The following LSM8 variants were observed in gnomAD, a reference collection of about 807,000 sequenced individuals.
The protein encoded by LSM8 is LSM8 homolog, U6 small nuclear RNA associated, also known as LSM8 U6 small nuclear RNA associated.
Under a neutral mutation model 15.0 loss-of-function variants are expected in LSM8, and 14 were observed. That is an observed-to-expected ratio of 0.93 (90% CI 0.62 to 1.46). The LOEUF is 1.46. Among genes scored for constraint, LSM8 ranks in the 40% most tolerant of loss-of-function variants. The probability of loss-of-function intolerance (pLI) is 0.00; values close to 1 mark genes in which losing one functional copy is unlikely to be tolerated. For synonymous variants in LSM8, 50 were observed against 42.1 expected (o/e 1.19, Z -0.73); for missense variants, 90 against 115.4 (o/e 0.78, Z 1.01).
chr7:118,185,946 T>TA (rs1808882521), intron 2 of LSM8, among the ~76,000 whole-genome samples: 1 of 152,204 alleles, frequency 6.6e-6, no homozygotes, highest in Non-Finnish European at 1.5e-5. Context: ...CTGTAGACCT[T>TA]TATTAAACTT....
In LSM8 at chr7:118,203,186, C is replaced by T. The variant is rs1428806738; in HGVS notation, c.*11184C>T. On this transcript the variant is annotated 3_prime_UTR_variant, in exon 4 of 4. Transcript: ENST00000249299. ...CAAAGCAAGATGTTCTAAGAAGACT[C>T]ATTTAAAAAATTAATCTCAAAAAAC... Among the ~76,000 whole-genome samples, 1 of 151,886 alleles carries T rather than the reference C, an allele frequency of 6.6e-6. No homozygotes were observed. Among genetic ancestry groups the T allele is most frequent in the Non-Finnish European group, 1.5e-5 (1 of 67,898 alleles).
chr7:118,187,731 A>G (rs1019848502), intron 2 of LSM8, among the ~76,000 whole-genome samples: 7 of 152,326 alleles, frequency 4.6e-5, no homozygotes, highest in South Asian at 2.1e-4. Context: ...CATAAGACAC[A>G]CCATTCTGTG....
At position 118,195,945 on chromosome 7, in the gene LSM8, C is replaced by T. The variant is rs536060189; in HGVS notation, c.*3943C>T. On this transcript the variant is annotated 3_prime_UTR_variant, in exon 4 of 4. Coordinates refer to ENST00000249299, the MANE Select transcript of LSM8 (RefSeq NM_016200.5). ...TTGTGAGATATCTAGTACTTATGCT[C>T]CATCCTGTTTATAGGGATTATTGAT... Among the ~76,000 whole-genome samples, 74 of 152,142 alleles carry T rather than the reference C, an allele frequency of 4.9e-4. No individual in the cohort carries two copies. The highest frequency in any genetic ancestry group is 1.0e-3 in the Non-Finnish European group (71 of 68,028).
intron 1 of LSM8, chr7:118,185,433 TG>T (rs1350787721): frequency 8.0e-6 from 4 of 499,998 alleles, no homozygotes; most frequent in Admixed American, 7.1e-5. Context: ...GTAATAGAGA[TG>T]GGGGTATCGC....
chr7:118,185,124 G>A (rs1287816919), intron 1 of LSM8: 1 of 152,054 alleles, frequency 6.6e-6, no homozygotes, highest in Non-Finnish European at 1.5e-5. Flanking sequence ...TAGTAGAAAA[G>A]TGTCAAAAAT....
chr7:118,187,164 A>G (rs1468806932), intron 2 of LSM8, among the ~76,000 whole-genome samples: 1 of 152,112 alleles, frequency 6.6e-6, no homozygotes, highest in African/African-American at 2.4e-5. Context: ...TTCTCTTCCA[A>G]GTTACAGATT....
chr7:118,191,232 G>A (rs1424013573), intron 3 of LSM8: 1 of 151,976 alleles, frequency 6.6e-6, no homozygotes, highest in Non-Finnish European at 1.5e-5. Flanking sequence ...TTTCCAGTTA[G>A]AGGGCTATGG....
chr7:118,190,685 T>C (rs1808963364), intron 3 of LSM8: 1 of 152,202 alleles, frequency 6.6e-6, no homozygotes, highest in Non-Finnish European at 1.5e-5. Context: ...AGAGTGGAAT[T>C]GAGGCCTTTA....
rs558211034 is a variant in LSM8 at position 118,203,394 on chromosome 7, A to G, written c.*11392A>G. 2.0e-5 allele frequency among the ~76,000 whole-genome samples: 3 copies of G among 151,966 alleles called. No individual in the cohort carries two copies. In the South Asian group the frequency reaches 6.2e-4, roughly 31 times the overall value. On this transcript the variant is annotated 3_prime_UTR_variant, in exon 4 of 4. Transcript: ENST00000249299. ...GTAAAAATTGCGGGGAGGTCCTAAT[A>G]TCCAATATTAATAGAGCTGTGATTA...
At position 118,188,304 on chromosome 7, in the gene LSM8, C is replaced by G; in HGVS notation, c.99C>G (p.Thr33=). 6.2e-7 allele frequency: 1 copy of G among 1,613,516 alleles called. No individual in the cohort carries two copies. Among genetic ancestry groups the G allele is most frequent in the Non-Finnish European group, 8.5e-7 (1 of 1,179,538 alleles). ...IVGTLKGFDQ[T]INLILDESHE... ...GAACACTGAAAGGTTTTGACCAGACCATTAATTTGATTTTGGATGAAAGCC... is the reference window on the plus strand; with the variant it reads ...GAACACTGAAAGGTTTTGACCAGACGATTAATTTGATTTTGGATGAAAGCC... The change falls in exon 3 of 4, where the codon ACC becomes ACG. Residue 33 remains threonine, a synonymous_variant. Transcript: ENST00000249299.
rs1410817991 is a variant in LSM8 at position 118,200,949 on chromosome 7, A to T, written c.*8947A>T. ...AGCAAACACTTTTCACATATACACT[A>T]ATATTAGTATCTAAATTATATTAAA... is the stretch of plus-strand genomic sequence containing the variant. On this transcript the variant is annotated 3_prime_UTR_variant, in exon 4 of 4. Coordinates refer to ENST00000249299, the MANE Select transcript of LSM8 (RefSeq NM_016200.5). Among the ~76,000 whole-genome samples, 1 of 152,084 alleles carries T rather than the reference A, an allele frequency of 6.6e-6. No individual in the cohort carries two copies. The highest frequency in any genetic ancestry group is 1.5e-5 in the Non-Finnish European group (1 of 67,982).
intron 1 of LSM8, 125 bp from the exon 2 acceptor site, chr7:118,185,529 A>T: frequency 1.2e-6 from 1 of 808,476 alleles, no homozygotes; most frequent in Non-Finnish European, 2.1e-6. Flanking sequence ...TAGTGAACTT[A>T]GTGGCTGTGT....
In LSM8 at chr7:118,194,153, TAC is replaced by T. The variant is rs1809036508; in HGVS notation, c.*2153_*2154del. ...ACCATGAGTAGTAACATAATTAATA[TAC>T]AGTGTCAATATTTTATATTTAATGA... On this transcript the variant is annotated 3_prime_UTR_variant, in exon 4 of 4. Transcript: ENST00000249299. Among the ~76,000 whole-genome samples the T allele has an allele frequency of 1.3e-5, 2 of 152,138 alleles. No individual in the cohort carries two copies. Among genetic ancestry groups the T allele is most frequent in the Non-Finnish European group, 2.9e-5 (2 of 67,974 alleles).
At chr7:118,188,847 C>G (rs1293740622) in intron 3 of LSM8, 1 of 153,260 alleles carries the variant, frequency 6.5e-6, no homozygotes, top group Admixed American at 6.5e-5. Context: ...TTAATTCATG[C>G]TCAATAACAT....
chr7:118,187,171 G>T (rs1239715151), intron 2 of LSM8, among the ~76,000 whole-genome samples: 3 of 151,994 alleles, frequency 2.0e-5, no homozygotes, highest in Non-Finnish European at 4.4e-5. Context: ...CCAAGTTACA[G>T]ATTTCATTCT....
rs1356601139 is a variant in LSM8, at chr7:118,202,420, A to G, written c.*10418A>G. 1.3e-5 allele frequency among the ~76,000 whole-genome samples: 2 copies of G among 151,980 alleles called. No individual in the cohort carries two copies. The highest frequency in any genetic ancestry group is 2.4e-5 in the African/African-American group (1 of 41,420). ...AAAGAAGTGACCCAGTACCCAGGCC[A>G]CTATTTTCTCTTTGCCATCCTTTTG... is the stretch of plus-strand genomic sequence containing the variant. On this transcript the variant is annotated 3_prime_UTR_variant, in exon 4 of 4. Transcript: ENST00000249299.
rs1401977424 is a variant in LSM8 at position 118,196,049 on chromosome 7, TA to T, written c.*4050del. On this transcript the variant is annotated 3_prime_UTR_variant, in exon 4 of 4. Transcript: ENST00000249299. ...AACCATGAGACGTGCTTAGTCTTCA[TA>T]AATCGATGCTGCCTCCTAGTGGCCA... 6.6e-6 allele frequency among the ~76,000 whole-genome samples: 1 copy of T among 152,208 alleles called. No homozygotes were observed. Among genetic ancestry groups the T allele is most frequent in the Non-Finnish European group, 1.5e-5 (1 of 68,034 alleles).
At chr7:118,188,646 A>G in intron 3 of LSM8, 1 of 297,914 alleles carries the variant, frequency 3.4e-6, no homozygotes, top group Admixed American at 5.0e-5. Flanking sequence ...CTTTTACCTG[A>G]GATTTGCCCA....
At position 118,193,160 on chromosome 7, in the gene LSM8, T is replaced by C. The variant is rs1321216641; in HGVS notation, c.*1158T>C. Among the ~76,000 whole-genome samples the C allele has an allele frequency of 4.6e-5, 7 of 152,174 alleles. No homozygotes were observed. Among genetic ancestry groups the C allele is most frequent in the African/African-American group, 9.6e-5 (4 of 41,466 alleles). On this transcript the variant is annotated 3_prime_UTR_variant, in exon 4 of 4. Coordinates refer to ENST00000249299, the MANE Select transcript of LSM8 (RefSeq NM_016200.5). The stretch of plus-strand genomic sequence containing the variant: ...ATAGTCTTTTAGGCTTTGAAGGCCA[T>C]GTGGTCTGTCACAGCTACTCACCTC...
Sources: allele counts gnomAD v4.1 joint callset (sites outside exome capture counted in the v4.1 genomes callset), GRCh38; gene constraint gnomAD v4.1.1; transcripts MANE v1.5; gene names NCBI Gene and HGNC (gene_info 2026-07-23, HGNC 2026-07-21).